The following NBEA variants were observed in gnomAD, a reference collection of about 807,000 sequenced individuals.
The protein encoded by NBEA is neurobeachin.
In NBEA, 44 loss-of-function variants were observed where a neutral mutation model predicts 343.4. The observed-to-expected ratio is 0.13, with a 90% CI of 0.10 to 0.16. The LOEUF is 0.16. NBEA is among the 10% of genes least tolerant of loss of function. The pLI is 1.00. For synonymous variants in NBEA, 1,175 were observed against 1,238.7 expected (o/e 0.95, Z 1.08); for missense variants, 2,555 against 3,631.3 (o/e 0.70, Z 7.62).
chr13:35,415,317 G>GT (rs1462607415), intron 38 of NBEA, among the ~76,000 whole-genome samples: 2 of 152,170 alleles, frequency 1.3e-5, no homozygotes, highest in African/African-American at 4.8e-5. Context: ...CCATGCCTAT[G>GT]TCCTGAATGG....
At chr13:35,210,653 G>A (rs77828185) in intron 32 of NBEA, among the ~76,000 whole-genome samples, 1,601 of 152,138 alleles carry the variant, frequency 0.011, 25 homozygotes, top group Middle Eastern at 0.034. Context: ...ACAAATTTAC[G>A]CTCAGATAGT....
intron 41 of NBEA, among the ~76,000 whole-genome samples, chr13:35,483,287 AT>A (rs1219905736): frequency 6.6e-6 from 1 of 151,954 alleles, no homozygotes; most frequent in Non-Finnish European, 1.5e-5. Context: ...TGGGTTTCTC[AT>A]ATAAGTTAGC....
intron 26 of NBEA, among the ~76,000 whole-genome samples, chr13:35,172,473 A>T (rs75345644): frequency 0.076 from 11,565 of 151,966 alleles, 985 homozygotes; most frequent in African/African-American, 0.2. Context: ...ATATATTTTT[A>T]AAATGGCTCA....
At chr13:35,176,937 A>G in intron 27 of NBEA, 59 bp from the exon 28 acceptor site, 2 of 1,125,072 alleles carry the variant, frequency 1.8e-6, no homozygotes, top group South Asian at 2.8e-5. Context: ...TTAAGAAGTG[A>G]TACTTCTATA....
At chr13:35,153,562 A>G (rs1024722818) in intron 18 of NBEA, among the ~76,000 whole-genome samples, 7 of 152,314 alleles carry the variant, frequency 4.6e-5, no homozygotes, top group South Asian at 4.1e-4. Flanking sequence ...AAAAACCTTT[A>G]TATTTGAATA....
chr13:35,324,941 C>G (rs947302050), intron 36 of NBEA, among the ~76,000 whole-genome samples: 9 of 151,984 alleles, frequency 5.9e-5, no homozygotes, highest in African/African-American at 2.2e-4. Flanking sequence ...CAGAAAATAC[C>G]TTTTGAGTTT....
At chr13:35,623,859 A>T (rs2083105204) in intron 48 of NBEA, among the ~76,000 whole-genome samples, 1 of 152,174 alleles carries the variant, frequency 6.6e-6, no homozygotes. Context: ...CAGATAATGA[A>T]TTCATTTTCT....
At chr13:35,428,735 C>A (rs2044883212) in intron 38 of NBEA, among the ~76,000 whole-genome samples, 3 of 152,176 alleles carry the variant, frequency 2.0e-5, no homozygotes, top group African/African-American at 7.2e-5. Flanking sequence ...GATCTTTTTA[C>A]ATTCCCTTGG....
intron 1 of NBEA, among the ~76,000 whole-genome samples, chr13:35,019,357 G>T (rs527614341): frequency 2.0e-5 from 3 of 151,522 alleles, no homozygotes; most frequent in African/African-American, 7.3e-5. Context: ...GAGTGCAGTG[G>T]TGCAGCCTTG....
At chr13:35,031,125 C>T (rs2062200254) in intron 1 of NBEA, among the ~76,000 whole-genome samples, 2 of 151,598 alleles carry the variant, frequency 1.3e-5, no homozygotes, top group African/African-American at 2.4e-5. Context: ...TATACAGAGG[C>T]CCATAGGCAT....
intron 20 of NBEA, 75 bp downstream of exon 20, chr13:35,156,281 T>A: frequency 7.3e-7 from 1 of 1,368,934 alleles, no homozygotes; most frequent in South Asian, 1.5e-5. Flanking sequence ...TTCAATTCAT[T>A]TCAAATCTTT....
At chr13:35,190,077 C>T (rs1348526177) in intron 30 of NBEA, among the ~76,000 whole-genome samples, 4 of 152,158 alleles carry the variant, frequency 2.6e-5, no homozygotes, top group Non-Finnish European at 2.9e-5. Context: ...TAGAAAGTCT[C>T]GACCTTAGAG....
chr13:35,347,993 A>T (rs2039983158), intron 36 of NBEA, among the ~76,000 whole-genome samples: 1 of 152,116 alleles, frequency 6.6e-6, no homozygotes, highest in Admixed American at 6.6e-5. Context: ...CTGGCATCTT[A>T]TGTCCTAGCC....
intron 36 of NBEA, among the ~76,000 whole-genome samples, chr13:35,329,547 A>G (rs1296451612): frequency 6.6e-6 from 1 of 152,036 alleles, no homozygotes; most frequent in Non-Finnish European, 1.5e-5. Context: ...AATAACATGT[A>G]TGGAACTTAA....
intron 1 of NBEA, among the ~76,000 whole-genome samples, chr13:35,010,598 A>G (rs1455304410): frequency 2.1e-5 from 3 of 146,052 alleles, no homozygotes; most frequent in African/African-American, 7.6e-5. Context: ...AAAAAAATAG[A>G]TGGGCCAGGC....
At chr13:35,322,745 T>A (rs977023746) in intron 36 of NBEA, among the ~76,000 whole-genome samples, 6 of 152,224 alleles carry the variant, frequency 3.9e-5, no homozygotes, top group Admixed American at 6.5e-5. Flanking sequence ...ACATTGATGA[T>A]AAATAAAATG....
At chr13:35,665,671 G>T (rs1413886701) in intron 56 of NBEA, among the ~76,000 whole-genome samples, 1 of 152,148 alleles carries the variant, frequency 6.6e-6, no homozygotes, top group Non-Finnish European at 1.5e-5. Flanking sequence ...TTGTCACGCA[G>T]GCTGGGGTGC....
Position 35,167,862 on chromosome 13 carries a change from A to AT in NBEA, c.4234-1121dup, listed in dbSNP as rs530694547. On this transcript the variant is annotated intron_variant, in intron 24 of 58. Transcript: ENST00000379939. ...TCAACCACAAATTGCACACTTTGTG[A>AT]TTTTAAGTTGACCACTTTAGTCAGC... Among the ~76,000 whole-genome samples, 224 of 151,950 alleles carry AT rather than the reference A, an allele frequency of 1.5e-3. 1 individual carries two copies. Among genetic ancestry groups the AT allele is most frequent in the African/African-American group, 4.9e-3 (205 of 41,558 alleles).
chr13:35,055,812 C>T (rs1175595772), intron 6 of NBEA, among the ~76,000 whole-genome samples, 198 bp from the exon 7 acceptor site: 1 of 152,012 alleles, frequency 6.6e-6, no homozygotes, highest in Admixed American at 6.6e-5. Flanking sequence ...TTCTTGTCTT[C>T]TCCAGGAGTA....
Sources: allele counts gnomAD v4.1 joint callset (sites outside exome capture counted in the v4.1 genomes callset), GRCh38; gene constraint gnomAD v4.1.1; transcripts MANE v1.5; gene names NCBI Gene and HGNC (gene_info 2026-07-23, HGNC 2026-07-21).